Variants in TTLL11 observed in about 807,000 individuals in gnomAD.
The protein encoded by TTLL11 is tubulin tyrosine ligase like 11, also known as tubulin polyglutamylase TTLL11.
TTLL11 carries 42 observed loss-of-function variants against 51.7 expected under a neutral mutation model. The observed-to-expected ratio is 0.81, with a 90% confidence interval of 0.64 to 1.05. The LOEUF (loss-of-function observed/expected upper bound fraction) is 1.05, where lower values mean the gene tolerates loss of function less well. TTLL11 is among the 50% of genes least tolerant of loss of function. The pLI is 0.00. For synonymous variants in TTLL11, 381 were observed against 383.5 expected (o/e 0.99, Z 0.08); for missense variants, 799 against 940.4 (o/e 0.85, Z 1.97).
rs570288399 is a variant in TTLL11 at position 121,890,372 on chromosome 9, A to G, written c.1482-19624T>C. 4.6e-5 allele frequency among the ~76,000 whole-genome samples: 7 copies of G among 152,208 alleles called. No homozygotes were observed. The highest frequency in any genetic ancestry group is 2.1e-4 in the South Asian group (1 of 4,818). ...TCACCTGAACTTCAACAGCCTCTTC[A>G]CCAGTTTCCTGGCTCGCAACCTCCG... is the stretch of plus-strand genomic sequence containing the variant. On this transcript the variant is annotated intron_variant, in intron 6 of 8. Transcript: ENST00000321582. This position sits in a 1 kb window ranked among gnomAD's most constrained non-coding sequence, Gnocchi z 4.3.
intron 2 of TTLL11, among the ~76,000 whole-genome samples, chr9:122,038,872 T>C (rs1372174258): frequency 2.0e-5 from 3 of 152,172 alleles, no homozygotes; most frequent in Non-Finnish European, 4.4e-5. Flanking sequence ...TTAAAAATGG[T>C]ACCTCCAAAT....
chr9:121,943,382 T>C (rs1841561869), intron 6 of TTLL11, among the ~76,000 whole-genome samples: 1 of 152,186 alleles, frequency 6.6e-6, no homozygotes, highest in Admixed American at 6.5e-5. Flanking sequence ...CATCAATAAC[T>C]GAAATAAGAT....
rs1410496823 is a variant in TTLL11 at position 121,822,409 on chromosome 9, G to A, written c.*178C>T. The A allele has an allele frequency of 9.7e-6, 5 of 513,320 alleles. No homozygotes were observed. Among genetic ancestry groups the A allele is most frequent in the Non-Finnish European group, 1.3e-5 (4 of 302,488 alleles). The allele number at this position is 513,320 out of a possible 1,614,324, so 31.8% of individuals were successfully genotyped here. A position where few individuals can be genotyped will look rare whatever the true frequency, so the allele number is the denominator to read the frequency against. ...ACCAGGAGGTGTGAGGAGGAAGGCA[G>A]GTGAGAACCAGCCAGCCTGGTGAAG... On this transcript the variant is annotated 3_prime_UTR_variant, in exon 9 of 9. Coordinates refer to ENST00000321582, the MANE Select transcript of TTLL11 (RefSeq NM_001139442.2). The surrounding 1 kb of genome is among the most constrained non-coding windows in gnomAD (Gnocchi z 5.8).
chr9:121,848,242 T>A (rs1200623830), intron 8 of TTLL11, among the ~76,000 whole-genome samples: 1 of 151,690 alleles, frequency 6.6e-6, no homozygotes, highest in Non-Finnish European at 1.5e-5. Context: ...AGGAATCATA[T>A]ACCATGACCA....
At chr9:121,962,010 C>T (rs762326071) in intron 6 of TTLL11, among the ~76,000 whole-genome samples, 1 of 152,208 alleles carries the variant, frequency 6.6e-6, no homozygotes, top group African/African-American at 2.4e-5. Context: ...GAGCTGAGAT[C>T]GTGCCACTGC....
At chr9:121,986,868 G>A (rs1015917009) in intron 4 of TTLL11, among the ~76,000 whole-genome samples, 4 of 151,758 alleles carry the variant, frequency 2.6e-5, no homozygotes, top group Non-Finnish European at 4.4e-5. Context: ...GCCATAGACT[G>A]GAAATAACCC....
At chr9:121,907,952 T>C (rs557921430) in intron 6 of TTLL11, among the ~76,000 whole-genome samples, 2 of 152,336 alleles carry the variant, frequency 1.3e-5, no homozygotes, top group South Asian at 4.1e-4. Flanking sequence ...TGGACATTCA[T>C]CTTGTAGCCC....
Position 121,817,642 on chromosome 9 carries a change from C to G in TTLL11, c.*4945G>C, listed in dbSNP as rs1420413777. 3 of 152,264 alleles carry G rather than the reference C, an allele frequency of 2.0e-5. No homozygotes were observed. The highest frequency in any genetic ancestry group is 6.5e-5 in the Admixed American group (1 of 15,286). 9.4% of individuals were successfully genotyped at this position (152,264 alleles called of 1,614,324 possible). A position where few individuals can be genotyped will look rare whatever the true frequency, so the allele number is the denominator to read the frequency against. ...AGAACTGAGTGGAGCAAACACCCAG[C>G]CTCTGCGGGACGTGGGTTTCCACAC... On this transcript the variant is annotated 3_prime_UTR_variant, in exon 9 of 9. Coordinates refer to ENST00000321582, the MANE Select transcript of TTLL11 (RefSeq NM_001139442.2).
chr9:121,943,871 A>G (rs1413107141), intron 6 of TTLL11, among the ~76,000 whole-genome samples: 1 of 152,236 alleles, frequency 6.6e-6, no homozygotes, highest in Admixed American at 6.5e-5. Context: ...CACCCCACAC[A>G]GGAGATGCTC....
chr9:122,078,252 A>C (rs1023200034), intron 1 of TTLL11, among the ~76,000 whole-genome samples: 2 of 152,234 alleles, frequency 1.3e-5, no homozygotes, highest in Non-Finnish European at 2.9e-5. Flanking sequence ...GATGATCAAT[A>C]AAGTCAAAAG....
At chr9:121,904,418 G>A (rs1009888535) in intron 6 of TTLL11, among the ~76,000 whole-genome samples, 1 of 152,072 alleles carries the variant, frequency 6.6e-6, no homozygotes, top group African/African-American at 2.4e-5. Context: ...CTCGTGATCT[G>A]CCCGCCTCGG....
At chr9:121,916,671 A>G (rs549411136) in intron 6 of TTLL11, among the ~76,000 whole-genome samples, 1 of 152,338 alleles carries the variant, frequency 6.6e-6, no homozygotes, top group Non-Finnish European at 1.5e-5. Context: ...ATGATCAGAA[A>G]TAACGGAACG....
intron 6 of TTLL11, among the ~76,000 whole-genome samples, chr9:121,915,045 T>A (rs1840273712): frequency 6.6e-6 from 1 of 152,138 alleles, no homozygotes; most frequent in East Asian, 1.9e-4. Context: ...TTCCTCTGCC[T>A]CCTGTTGCTC....
intron 1 of TTLL11, among the ~76,000 whole-genome samples, chr9:122,064,226 G>A (rs1490014028): frequency 6.6e-6 from 1 of 152,088 alleles, no homozygotes; most frequent in African/African-American, 2.4e-5. Context: ...AGGAAATCAA[G>A]TAAAATTATT....
intron 1 of TTLL11, among the ~76,000 whole-genome samples, chr9:122,059,006 G>A (rs897774675): frequency 2.0e-5 from 3 of 151,838 alleles, no homozygotes; most frequent in African/African-American, 7.3e-5. Flanking sequence ...CAGCCTGCAG[G>A]TCCTTAAGCA....
chr9:121,928,139 C>G (rs73662525), intron 6 of TTLL11, among the ~76,000 whole-genome samples: 11,644 of 152,142 alleles, frequency 0.077, 644 homozygotes, highest in African/African-American at 0.16. Context: ...GGACGCATGG[C>G]CATGCCTGTG....
At chr9:121,860,313 A>T (rs1192242423) in intron 8 of TTLL11, 24 bp downstream of exon 8, 1 of 1,538,250 alleles carries the variant, frequency 6.5e-7, no homozygotes, top group South Asian at 1.2e-5. Context: ...CCCACAGGCC[A>T]TGGCAGAGGC....
Position 121,989,887 on chromosome 9 carries a change from T to C in TTLL11, c.694-117A>G. ...AGTGACAAGATGATCCCTGCCGATCTGAGCAGGGGCTGAGCATCTTCCATG... is the reference window on the plus strand; with the variant it reads ...AGTGACAAGATGATCCCTGCCGATCCGAGCAGGGGCTGAGCATCTTCCATG... On this transcript the variant is annotated intron_variant, in intron 3 of 8. Coordinates refer to ENST00000321582, the MANE Select transcript of TTLL11 (RefSeq NM_001139442.2). The surrounding 1 kb of genome is among the most constrained non-coding windows in gnomAD (Gnocchi z 4.2). 1 of 1,499,948 alleles carries C rather than the reference T, an allele frequency of 6.7e-7. No individual in the cohort carries two copies. The highest frequency in any genetic ancestry group is 8.8e-7 in the Non-Finnish European group (1 of 1,134,420). The allele number at this position is 1,499,948 out of a possible 1,614,324, so 92.9% of individuals were successfully genotyped here.
chr9:121,930,978 G>A (rs1318640346), intron 6 of TTLL11, among the ~76,000 whole-genome samples: 1 of 152,236 alleles, frequency 6.6e-6, no homozygotes, highest in Non-Finnish European at 1.5e-5. Flanking sequence ...ACAGTGAGGA[G>A]ATGGGATGTG....
Sources: allele counts gnomAD v4.1 joint callset (sites outside exome capture counted in the v4.1 genomes callset), GRCh38; gene constraint gnomAD v4.1.1; non-coding constraint Gnocchi (gnomAD v3.1); transcripts MANE v1.5; gene names NCBI Gene and HGNC (gene_info 2026-07-23, HGNC 2026-07-21).